The following SGIP1 variants were observed in gnomAD, a reference collection of about 807,000 sequenced individuals.
SGIP1 encodes SH3GL interacting endocytic adaptor 1.
In SGIP1, 38 loss-of-function variants were observed where a neutral mutation model predicts 107.5. The observed-to-expected ratio is 0.35, with a 90% CI of 0.27 to 0.46. The LOEUF (loss-of-function observed/expected upper bound fraction) is 0.46, where lower values mean the gene tolerates loss of function less well. Ranked by LOEUF, SGIP1 falls within the 20% of genes least tolerant of loss-of-function variation. The pLI is 1.00. For synonymous variants in SGIP1, 365 were observed against 366.1 expected, an observed-to-expected ratio of 1.00 and a Z score of 0.03; for missense variants, 929 against 1,019.5, an observed-to-expected ratio of 0.91 and a Z score of 1.21.
intron 9 of SGIP1, among the ~76,000 whole-genome samples, chr1:66,668,601 C>G (rs2083105923): frequency 1.3e-5 from 2 of 152,208 alleles, no homozygotes; most frequent in African/African-American, 4.8e-5. Context: ...AGACAACACT[C>G]TCTGAAATAT....
At chr1:66,676,266 A>G (rs6588215) in intron 12 of SGIP1, among the ~76,000 whole-genome samples, 99,874 of 152,108 alleles carry the variant, frequency 0.66, 33,794 homozygotes, top group East Asian at 1. Flanking sequence ...TGTCCTAGAC[A>G]ACATAATGAA....
chr1:66,683,927 G>A (rs1418514317), intron 15 of SGIP1, among the ~76,000 whole-genome samples: 1 of 151,824 alleles, frequency 6.6e-6, no homozygotes, highest in Non-Finnish European at 1.5e-5. Context: ...ATATTGGCTA[G>A]GCTGGTCTCG....
chr1:66,625,943 A>G, intron 2 of SGIP1, 33 bp downstream of exon 2: 2 of 1,572,926 alleles, frequency 1.3e-6, no homozygotes, highest in Non-Finnish European at 1.7e-6. Context: ...TCCTCGAAGA[A>G]GCTATTTGCA....
In SGIP1 at chr1:66,690,312, A is replaced by C. The variant is rs907951681; in HGVS notation, c.1566A>C (p.Thr522=). Residue 522 remains threonine, a synonymous_variant, in exon 17 of 25, where the codon ACA becomes ACC. Transcript: ENST00000371037. ...CCTTGAGCGCAGCCACCACTCCCACAGTTGGTAAAAATTCTCTCCTCTCTT... is the reference window on the plus strand; with the variant it reads ...CCTTGAGCGCAGCCACCACTCCCACCGTTGGTAAAAATTCTCTCCTCTCTT... The part of the protein sequence containing the change: ...TNSLSAATTP[T]VENEQPSLVW... 1.2e-6 allele frequency: 2 copies of C among 1,614,058 alleles called. No individual in the cohort carries two copies. The highest frequency in any genetic ancestry group is 1.7e-6 in the Non-Finnish European group (2 of 1,179,990).
chr1:66,664,512 G>T (rs1156965600), intron 8 of SGIP1, among the ~76,000 whole-genome samples: 1 of 152,016 alleles, frequency 6.6e-6, no homozygotes, highest in African/African-American at 2.4e-5. Context: ...GAGAAAATGA[G>T]AAATCAGGGA....
At chr1:66,640,290 A>G (rs868214180) in intron 5 of SGIP1, among the ~76,000 whole-genome samples, 2 of 152,338 alleles carry the variant, frequency 1.3e-5, no homozygotes, top group African/African-American at 2.4e-5. Flanking sequence ...AATTATTTGC[A>G]AAACATTTCA....
At chr1:66,686,475 C>A (rs541173417) in intron 15 of SGIP1, among the ~76,000 whole-genome samples, 1 of 152,132 alleles carries the variant, frequency 6.6e-6, no homozygotes, top group South Asian at 2.1e-4. Context: ...AAACACTTTT[C>A]TAAGGGGGAA....
At chr1:66,655,182 G>A (rs2079498678) in intron 7 of SGIP1, among the ~76,000 whole-genome samples, 1 of 151,910 alleles carries the variant, frequency 6.6e-6, no homozygotes, top group South Asian at 2.1e-4. Context: ...AAATCTTCAC[G>A]GTGGTCTTCA....
chr1:66,597,093 T>C (rs1267654596), intron 1 of SGIP1, among the ~76,000 whole-genome samples: 1 of 152,224 alleles, frequency 6.6e-6, no homozygotes, highest in Non-Finnish European at 1.5e-5. Context: ...ATTTAGTACA[T>C]ATGCAGGTTT....
intron 1 of SGIP1, among the ~76,000 whole-genome samples, chr1:66,553,758 C>T (rs1401368679): frequency 6.6e-6 from 1 of 152,076 alleles, no homozygotes. Context: ...CTCTTCATCA[C>T]CTCCTAGTGC....
At chr1:66,573,426 A>G (rs1480973096) in intron 1 of SGIP1, among the ~76,000 whole-genome samples, 1 of 152,184 alleles carries the variant, frequency 6.6e-6, no homozygotes, top group Non-Finnish European at 1.5e-5. Context: ...CCAAAGGAAT[A>G]TAAATTATTC....
chr1:66,574,459 G>C (rs1215191036), intron 1 of SGIP1, among the ~76,000 whole-genome samples: 2 of 152,082 alleles, frequency 1.3e-5, no homozygotes. Flanking sequence ...TCATCACCTA[G>C]TATAATTCTG....
intron 1 of SGIP1, among the ~76,000 whole-genome samples, chr1:66,552,811 G>A (rs1236794616): frequency 1.3e-5 from 2 of 152,028 alleles, no homozygotes; most frequent in Non-Finnish European, 2.9e-5. Flanking sequence ...TCCATGATAA[G>A]AGGTAATTTA....
Position 66,609,858 on chromosome 1 carries a change from C to A in SGIP1, c.11-15989C>A, listed in dbSNP as rs1291702599. Among the ~76,000 whole-genome samples the A allele has an allele frequency of 3.3e-5, 5 of 152,310 alleles. No individual in the cohort carries two copies. The East Asian group carries it at 9.6e-4, about 29-fold the overall frequency. ...GTGGAGAGCACCACACAATTAACTT[C>A]ATTCAGATTTGGCATTTGGATCTTG... On this transcript the variant is annotated intron_variant, in intron 1 of 24. Transcript: ENST00000371037.
chr1:66,577,480 C>A (rs1045936497), intron 1 of SGIP1, among the ~76,000 whole-genome samples: 1 of 152,114 alleles, frequency 6.6e-6, no homozygotes, highest in South Asian at 2.1e-4. Context: ...TCATCCTTCC[C>A]GGCTTCTTAT....
At chr1:66,652,214 A>G (rs2078898761) in intron 7 of SGIP1, among the ~76,000 whole-genome samples, 1 of 151,994 alleles carries the variant, frequency 6.6e-6, no homozygotes, top group South Asian at 2.1e-4. Flanking sequence ...ACATGAGAAA[A>G]TATTGTAAAA....
intron 1 of SGIP1, among the ~76,000 whole-genome samples, chr1:66,582,316 C>T (rs1260400325): frequency 1.3e-5 from 2 of 152,002 alleles, no homozygotes; most frequent in East Asian, 3.9e-4. Context: ...AGTATTTGTT[C>T]TCAGAGGAAG....
chr1:66,714,292 C>G (rs1178419837), intron 18 of SGIP1, among the ~76,000 whole-genome samples: 1 of 152,082 alleles, frequency 6.6e-6, no homozygotes, highest in Non-Finnish European at 1.5e-5. Context: ...AGGATTCACA[C>G]CCAAGTCTAT....
intron 18 of SGIP1, among the ~76,000 whole-genome samples, chr1:66,696,917 T>A (rs2091031871): frequency 6.6e-6 from 1 of 152,218 alleles, no homozygotes; most frequent in South Asian, 2.1e-4. Flanking sequence ...AAACTACAGT[T>A]GCATAAGTTG....
Sources: gnomAD v4.1 joint callset for allele counts (sites outside exome capture counted in the v4.1 genomes callset) on GRCh38, gnomAD v4.1.1 for gene constraint, MANE v1.5 for transcripts, NCBI Gene and HGNC (gene_info 2026-07-23, HGNC 2026-07-21) for gene names.